ZNF529: variants seen among roughly 807,000 people sequenced by gnomAD.
ZNF529 encodes zinc finger protein 529.
ZNF529 carries 11 observed loss-of-function variants against 10.1 expected under a neutral mutation model. The ratio of observed to expected loss-of-function variants is 1.09; its 90% CI spans 0.69 to 1.81. The LOEUF (loss-of-function observed/expected upper bound fraction) is 1.81, where lower values mean the gene tolerates loss of function less well. ZNF529 is among the 40% of genes most tolerant of loss of function. ZNF529 has a pLI of 0.00. For missense variants in ZNF529, 624 were observed against 666.8 expected, an observed-to-expected ratio of 0.94 and a Z score of 0.71; for synonymous variants, 204 against 215.7, an observed-to-expected ratio of 0.95 and a Z score of 0.47.
rs575637944 is a variant in ZNF529 at position 36,545,821 on chromosome 19, A to C, written c.*1045T>G. On this transcript the variant is annotated 3_prime_UTR_variant, in exon 5 of 5. Transcript: ENST00000591340. ...TTCTCCCCTTTTAAAGGTGTTTGACAAATTTTAGAGTGATACTTTAAGAGA... is the reference window on the plus strand; with the variant it reads ...TTCTCCCCTTTTAAAGGTGTTTGACCAATTTTAGAGTGATACTTTAAGAGA... 6.6e-6 allele frequency: 1 copy of C among 152,234 alleles called. No individual in the cohort carries two copies. The highest frequency in any genetic ancestry group is 2.1e-4 in the South Asian group (1 of 4,820). 9.4% of individuals were successfully genotyped at this position (152,234 alleles called of 1,614,324 possible). A position where few individuals can be genotyped will look rare whatever the true frequency, so the allele number is the denominator to read the frequency against.
At chr19:36,603,028 T>G (rs1197594457) in intron 1 of ZNF529, among the ~76,000 whole-genome samples, 1 of 151,924 alleles carries the variant, frequency 6.6e-6, no homozygotes, top group Non-Finnish European at 1.5e-5. Flanking sequence ...CGGAAAAACT[T>G]CCTGCCCTTC....
At chr19:36,598,384 C>T (rs575719103) in intron 1 of ZNF529, among the ~76,000 whole-genome samples, 3 of 151,998 alleles carry the variant, frequency 2.0e-5, no homozygotes, top group African/African-American at 4.8e-5. Flanking sequence ...GTGACATGCA[C>T]ACCTGTAGTC....
intron 4 of ZNF529, among the ~76,000 whole-genome samples, chr19:36,551,109 A>G (rs1190836328): frequency 3.3e-5 from 5 of 152,232 alleles, no homozygotes; most frequent in African/African-American, 1.2e-4. Context: ...GAAAGAAAAA[A>G]GTTTTACAAC....
At chr19:36,588,906 T>G (rs2036641084) in intron 2 of ZNF529, among the ~76,000 whole-genome samples, 1 of 151,470 alleles carries the variant, frequency 6.6e-6, no homozygotes, top group African/African-American at 2.4e-5. Context: ...TTCAGCAAAT[T>G]AATTGAACCC....
chr19:36,556,632 G>C (rs1045583259), intron 2 of ZNF529, among the ~76,000 whole-genome samples: 3 of 152,180 alleles, frequency 2.0e-5, no homozygotes, highest in Non-Finnish European at 4.4e-5. Context: ...TTGTGTCCTG[G>C]CTCCCGGGGC....
At chr19:36,571,934 C>T (rs2036131149) in intron 2 of ZNF529, among the ~76,000 whole-genome samples, 1 of 151,066 alleles carries the variant, frequency 6.6e-6, no homozygotes, top group South Asian at 2.1e-4. Flanking sequence ...CATATTCCCA[C>T]TCCTAAATGT....
At position 36,547,990 on chromosome 19, in the gene ZNF529, G is replaced by A. The variant is rs977222137; in HGVS notation, c.568C>T (p.Gln190Ter). The A allele has an allele frequency of 1.2e-6, 2 of 1,613,214 alleles. No individual in the cohort carries two copies. The highest frequency in any genetic ancestry group is 2.7e-5 in the African/African-American group (2 of 74,834). The change falls in exon 5 of 5, where the codon CAG (glutamine) becomes TAG (stop). Residue 190 changes from glutamine to a stop codon, truncating the protein, a stop_gained. Transcript: ENST00000591340. LOFTEE classifies it low-confidence loss of function (END_TRUNC). The part of the protein sequence containing the change: ...FSCDLEFDEY[Q>*]KIHTGGKNYE... ...TTTTTTCCACCAGTATGTATTTTCT[G>A]ATATTCATCAAACTCTAAGTCACAA...
intron 2 of ZNF529, among the ~76,000 whole-genome samples, chr19:36,558,855 C>A: frequency 6.6e-6 from 1 of 151,336 alleles, no homozygotes; most frequent in Non-Finnish European, 1.5e-5. Flanking sequence ...CATTCTACAG[C>A]ATGGGAGAAA....
At chr19:36,550,523 G>A (rs1314154284) in intron 4 of ZNF529, among the ~76,000 whole-genome samples, 1 of 152,016 alleles carries the variant, frequency 6.6e-6, no homozygotes, top group South Asian at 2.1e-4. Context: ...TCCAGGCTGG[G>A]CAACAGAGTG....
chr19:36,554,261 A>C (rs2035369779), intron 4 of ZNF529, among the ~76,000 whole-genome samples: 1 of 152,188 alleles, frequency 6.6e-6, no homozygotes, highest in Non-Finnish European at 1.5e-5. Context: ...CATGCCTTTG[A>C]AATCAGTTCA....
chr19:36,600,441 C>A (rs1426280274), intron 1 of ZNF529, among the ~76,000 whole-genome samples: 2 of 152,122 alleles, frequency 1.3e-5, no homozygotes, highest in African/African-American at 4.8e-5. Context: ...CTTTTGCTCA[C>A]AAATATGAAT....
rs1407785564 is a variant in ZNF529, at chr19:36,544,012, A to G, written c.*2854T>C. On this transcript the variant is annotated 3_prime_UTR_variant, in exon 5 of 5. Transcript: ENST00000591340. The stretch of plus-strand genomic sequence containing the variant: ...TTCCTTCAAGGACATATAAAATTTA[A>G]TGGTGCAGGACAGCAGAAAACAGGA... 6 of 152,120 alleles carry G rather than the reference A, an allele frequency of 3.9e-5. No individual in the cohort carries two copies. Among genetic ancestry groups the G allele is most frequent in the Admixed American group, 3.3e-4 (5 of 15,256 alleles). The allele number at this position is 152,120 out of a possible 1,614,324, so 9.4% of individuals were successfully genotyped here.
intron 1 of ZNF529, 104 bp downstream of exon 1, chr19:36,573,035 CT>C (rs2036198948): frequency 5.8e-6 from 1 of 172,924 alleles, no homozygotes; most frequent in Non-Finnish European, 1.3e-5. Flanking sequence ...GACCCCGCCC[CT>C]ACTCACCGTC....
chr19:36,587,644 C>T (rs531384857), intron 2 of ZNF529, among the ~76,000 whole-genome samples: 30 of 152,280 alleles, frequency 2.0e-4, no homozygotes, highest in African/African-American at 6.0e-4. Context: ...AGCAAGATGT[C>T]ATATCCTTAC....
chr19:36,553,356 C>T (rs752364633), intron 4 of ZNF529, among the ~76,000 whole-genome samples: 7 of 152,020 alleles, frequency 4.6e-5, no homozygotes, highest in Non-Finnish European at 7.4e-5. Flanking sequence ...AGGTTGGTCG[C>T]GAACTCCTGA....
chr19:36,557,475 C>T (rs546664674), intron 2 of ZNF529, among the ~76,000 whole-genome samples: 1 of 152,202 alleles, frequency 6.6e-6, no homozygotes, highest in Non-Finnish European at 1.5e-5. Flanking sequence ...GAATGAGAGC[C>T]GAGCTAAGGG....
At chr19:36,562,286 T>C (rs2145823858) in intron 2 of ZNF529, among the ~76,000 whole-genome samples, 1 of 152,202 alleles carries the variant, frequency 6.6e-6, no homozygotes, top group East Asian at 1.9e-4. Flanking sequence ...CGTAACTAGT[T>C]TGGTTTCACA....
intron 2 of ZNF529, among the ~76,000 whole-genome samples, chr19:36,557,364 G>A (rs1275623810): frequency 6.6e-6 from 1 of 152,154 alleles, no homozygotes; most frequent in African/African-American, 2.4e-5. Context: ...AATTTACAAA[G>A]GAAAGAGGCT....
chr19:36,556,463 T>C (rs931455051), intron 2 of ZNF529, among the ~76,000 whole-genome samples: 4 of 152,190 alleles, frequency 2.6e-5, no homozygotes, highest in African/African-American at 9.6e-5. Context: ...GATAGCTATC[T>C]TCCTAGGTGG....
Sources: allele counts gnomAD v4.1 joint callset (sites outside exome capture counted in the v4.1 genomes callset), GRCh38; gene constraint gnomAD v4.1.1; transcripts MANE v1.5; gene names NCBI Gene and HGNC (gene_info 2026-07-23, HGNC 2026-07-21).